The following MYO9A variants were observed in gnomAD, a reference collection of about 807,000 sequenced individuals.
MYO9A encodes the protein unconventional myosin-IXa.
MYO9A carries 103 observed loss-of-function variants against 293.3 expected under a neutral mutation model. That is an observed-to-expected ratio of 0.35 (90% confidence interval 0.30 to 0.41). MYO9A has a LOEUF of 0.41. Ranked by LOEUF, MYO9A falls within the 10% of genes least tolerant of loss-of-function variation. The pLI is 1.00. For missense variants in MYO9A, 2,685 were observed against 3,033.0 expected (o/e 0.89, Z 2.69); for synonymous variants, 1,001 against 1,035.7 (o/e 0.97, Z 0.64).
chr15:71,995,942 C>T (rs924399582), intron 9 of MYO9A, among the ~76,000 whole-genome samples: 7 of 152,028 alleles, frequency 4.6e-5, no homozygotes, highest in African/African-American at 1.2e-4. Context: ...AAAATAACTG[C>T]CTACATAGCA....
chr15:71,958,959 C>A (rs2059264337), intron 14 of MYO9A: 2 of 152,134 alleles, frequency 1.3e-5, no homozygotes, highest in South Asian at 4.1e-4. Context: ...TCTTCTCTTA[C>A]TCAATTATGT....
intron 27 of MYO9A, among the ~76,000 whole-genome samples, chr15:71,886,996 C>T (rs1173041109): frequency 6.6e-6 from 1 of 151,892 alleles, no homozygotes; most frequent in Non-Finnish European, 1.5e-5. Flanking sequence ...AAGTTTTCTG[C>T]GAGGCCCAAA....
chr15:72,054,723 A>C (rs527920318), intron 1 of MYO9A, among the ~76,000 whole-genome samples: 1 of 149,750 alleles, frequency 6.7e-6, no homozygotes, highest in South Asian at 2.1e-4. Context: ...TTGTGAGTGA[A>C]ATGTTTATTA....
chr15:72,050,160 G>GTT (rs71281961), intron 1 of MYO9A, among the ~76,000 whole-genome samples: 204 of 141,042 alleles, frequency 1.4e-3, no homozygotes, highest in Non-Finnish European at 2.4e-3. Flanking sequence ...TTTTTGTTTT[G>GTT]TTTTTTTTTT....
At chr15:72,110,623 C>T (rs2080747899) in intron 1 of MYO9A, among the ~76,000 whole-genome samples, 1 of 152,096 alleles carries the variant, frequency 6.6e-6, no homozygotes, top group Non-Finnish European at 1.5e-5. Flanking sequence ...TGATAACTCA[C>T]ACTGAATCAA....
intron 26 of MYO9A, 95 bp from the exon 27 acceptor site, chr15:71,888,211 A>T: frequency 1.6e-6 from 1 of 617,714 alleles, no homozygotes; most frequent in East Asian, 2.9e-5. Context: ...TGAGCTATTT[A>T]AAAACACACA....
chr15:71,909,208 A>G (rs1390460844), intron 19 of MYO9A, among the ~76,000 whole-genome samples: 1 of 152,230 alleles, frequency 6.6e-6, no homozygotes, highest in Non-Finnish European at 1.5e-5. Flanking sequence ...TAAAGCTGCT[A>G]TAAATATCTG....
chr15:71,853,242 T>C (rs1370769089), intron 35 of MYO9A, among the ~76,000 whole-genome samples: 1 of 152,200 alleles, frequency 6.6e-6, no homozygotes, highest in Non-Finnish European at 1.5e-5. Context: ...ATGGTTTACA[T>C]GACAAATGAA....
chr15:72,118,048 C>A lies in MYO9A; in HGVS notation c.-440G>T, dbSNP rs1871528136. 2.5e-6 allele frequency: 1 copy of A among 396,416 alleles called. No individual in the cohort carries two copies. Among genetic ancestry groups the A allele is most frequent in the South Asian group, 1.3e-4 (1 of 7,842 alleles). 24.6% of individuals were successfully genotyped at this position (396,416 alleles called of 1,614,324 possible). ...GTACTCTCTCAACAGACACAGCCAA[C>A]CGCCGCCGCGTCCCTTATCCGCTTC... On this transcript the variant is annotated 5_prime_UTR_variant, in exon 1 of 42. Coordinates refer to ENST00000356056, the MANE Select transcript of MYO9A (RefSeq NM_006901.4).
At chr15:71,827,782 G>T in intron 41 of MYO9A, 102 bp downstream of exon 41, 1 of 1,280,184 alleles carries the variant, frequency 7.8e-7, no homozygotes, top group Non-Finnish European at 1.1e-6. Flanking sequence ...TATTGCTGAT[G>T]TACAGTCAGT....
At chr15:71,966,043 AT>A (rs1396746886) in intron 13 of MYO9A, among the ~76,000 whole-genome samples, 1 of 151,418 alleles carries the variant, frequency 6.6e-6, no homozygotes, top group Non-Finnish European at 1.5e-5. Flanking sequence ...TGCCTGGCTA[AT>A]TTTTGTATTT....
rs184387980 is a variant in MYO9A, at chr15:71,979,985, T to C, written c.1723-1693A>G. On this transcript the variant is annotated intron_variant, in intron 11 of 41. Transcript: ENST00000356056. Reference sequence around the variant, plus strand: ...CTGCTGTAGAGTATTCCATTGTATCTGTATACAATAACTTGTTCACCCATT... The same window carrying C: ...CTGCTGTAGAGTATTCCATTGTATCCGTATACAATAACTTGTTCACCCATT... Among the ~76,000 whole-genome samples, 7 of 152,312 alleles carry C rather than the reference T, an allele frequency of 4.6e-5. No individual in the cohort carries two copies. In the East Asian group the frequency reaches 1.3e-3, roughly 29 times the overall value.
At chr15:71,999,289 A>G (rs2076796710) in intron 9 of MYO9A, among the ~76,000 whole-genome samples, 1 of 151,908 alleles carries the variant, frequency 6.6e-6, no homozygotes, top group Non-Finnish European at 1.5e-5. Context: ...GAGTGGTATA[A>G]TAGTAGCAAC....
intron 1 of MYO9A, among the ~76,000 whole-genome samples, chr15:72,090,309 T>C (rs1029302551): frequency 1.3e-5 from 2 of 152,202 alleles, no homozygotes; most frequent in African/African-American, 4.8e-5. Flanking sequence ...CAAAGTATAT[T>C]AAATATACCA....
At chr15:72,078,692 C>T (rs1357887168) in intron 1 of MYO9A, among the ~76,000 whole-genome samples, 4 of 152,086 alleles carry the variant, frequency 2.6e-5, no homozygotes, top group East Asian at 3.8e-4. Flanking sequence ...TGGATGTTTA[C>T]GGTAGCTTTA....
At chr15:72,025,104 G>A (rs2077622820) in intron 4 of MYO9A, among the ~76,000 whole-genome samples, 1 of 151,890 alleles carries the variant, frequency 6.6e-6, no homozygotes, top group African/African-American at 2.4e-5. Flanking sequence ...TAGACTCAAA[G>A]ACACAAATAG....
chr15:71,844,635 G>T (rs1262071959), intron 39 of MYO9A, among the ~76,000 whole-genome samples: 9 of 152,198 alleles, frequency 5.9e-5, no homozygotes, highest in Admixed American at 5.9e-4. Flanking sequence ...TCCAGTGTTA[G>T]AATGAATAAG....
intron 1 of MYO9A, among the ~76,000 whole-genome samples, chr15:72,078,034 G>GT (rs1253998164): frequency 1.3e-5 from 2 of 152,074 alleles, no homozygotes; most frequent in Non-Finnish European, 2.9e-5. Context: ...CCAAATGCTA[G>GT]TAAGAATGTG....
intron 11 of MYO9A, among the ~76,000 whole-genome samples, chr15:71,988,307 C>T (rs2076454566): frequency 6.6e-6 from 1 of 152,096 alleles, no homozygotes; most frequent in Admixed American, 6.5e-5. Context: ...GCAATCCCAG[C>T]TTAGCTTTTG....
Sources: gnomAD v4.1 joint callset for allele counts (sites outside exome capture counted in the v4.1 genomes callset) on GRCh38, gnomAD v4.1.1 for gene constraint, MANE v1.5 for transcripts, NCBI Gene and HGNC (gene_info 2026-07-23, HGNC 2026-07-21) for gene names.